Variants in TMEM135 observed in about 807,000 individuals in gnomAD.
The protein encoded by TMEM135 is peroxisomal membrane protein 52.
Under a neutral mutation model 60.3 loss-of-function variants are expected in TMEM135, and 30 were observed. The ratio of observed to expected loss-of-function variants is 0.50; its 90% CI spans 0.37 to 0.68. The LOEUF (loss-of-function observed/expected upper bound fraction) is 0.68, where lower values mean the gene tolerates loss of function less well. Ranked by LOEUF, TMEM135 falls within the 30% of genes least tolerant of loss-of-function variation. TMEM135 has a pLI of 0.00. For missense variants in TMEM135, 468 were observed against 548.8 expected, an observed-to-expected ratio of 0.85 and a Z score of 1.47; for synonymous variants, 190 against 186.7, an observed-to-expected ratio of 1.02 and a Z score of -0.14.
At chr11:87,108,377 AG>A (rs1210392207) in intron 4 of TMEM135, among the ~76,000 whole-genome samples, 1 of 152,090 alleles carries the variant, frequency 6.6e-6, no homozygotes, top group Non-Finnish European at 1.5e-5. Flanking sequence ...GTTTTCTTCT[AG>A]GGTTTTTATA....
intron 4 of TMEM135, among the ~76,000 whole-genome samples, chr11:87,115,100 C>T (rs765362670): frequency 4.6e-5 from 7 of 152,104 alleles, no homozygotes; most frequent in Non-Finnish European, 8.8e-5. Context: ...GCTGATTAAG[C>T]ATTTAATAGT....
At chr11:87,059,307 C>CTT (rs774797136) in intron 1 of TMEM135, among the ~76,000 whole-genome samples, 6,828 of 134,600 alleles carry the variant, frequency 0.051, 245 homozygotes, top group South Asian at 0.096. Context: ...GTTTGAAGTT[C>CTT]TTTTTTTTTT....
In TMEM135 at chr11:87,323,980, T is replaced by C. The variant is rs374254506; in HGVS notation, c.*2647T>C. The C allele has an allele frequency of 1.3e-3, 606 of 453,888 alleles. 3 individuals carry two copies. Among genetic ancestry groups the C allele is most frequent in the African/African-American group, 0.011 (535 of 50,092 alleles). 28.1% of individuals were successfully genotyped at this position (453,888 alleles called of 1,614,324 possible). On this transcript the variant is annotated 3_prime_UTR_variant, in exon 15 of 15. Coordinates refer to ENST00000305494, the MANE Select transcript of TMEM135 (RefSeq NM_022918.4). ...TCATTCGTTGTTTAGTCAGTTGTTA[T>C]TTAATTTAGAATTTTATATTTTTTT...
intron 8 of TMEM135, 31 bp downstream of exon 8, chr11:87,302,473 C>G (rs1397670112): frequency 1.2e-6 from 2 of 1,613,012 alleles, no homozygotes; most frequent in Non-Finnish European, 1.7e-6. Context: ...TTTTAACCTG[C>G]TTTGTCACTG....
intron 4 of TMEM135, among the ~76,000 whole-genome samples, chr11:87,137,085 G>T (rs1220737055): frequency 6.6e-6 from 1 of 152,018 alleles, no homozygotes; most frequent in Non-Finnish European, 1.5e-5. Flanking sequence ...GTGGAAATCT[G>T]TGACTATAGT....
intron 1 of TMEM135, among the ~76,000 whole-genome samples, chr11:87,047,462 C>G (rs566148612): frequency 6.6e-6 from 1 of 151,230 alleles, no homozygotes; most frequent in Admixed American, 6.6e-5. Context: ...TGTGCGCGCA[C>G]CGTGCGCGAG....
At chr11:87,178,943 G>A (rs55731905) in intron 5 of TMEM135, among the ~76,000 whole-genome samples, 25,275 of 151,830 alleles carry the variant, frequency 0.17, 2,480 homozygotes, top group African/African-American at 0.27. Context: ...GAATTGTTAG[G>A]TCATAAGAAT....
intron 6 of TMEM135, chr11:87,277,284 A>G (rs1485756627): frequency 5.2e-6 from 2 of 387,270 alleles, no homozygotes; most frequent in East Asian, 2.0e-4. Context: ...GATTTGTGCC[A>G]CCATGCCTGG....
Position 87,204,705 on chromosome 11 carries a change from A to G in TMEM135, c.463-31933A>G, listed in dbSNP as rs1178476911. ...GGATCATCATAAGTGGAAGTGGATCATCATAAAGATCTTTTTTCTCATCAT... is the reference window on the plus strand; with the variant it reads ...GGATCATCATAAGTGGAAGTGGATCGTCATAAAGATCTTTTTTCTCATCAT... On this transcript the variant is annotated intron_variant, in intron 5 of 14. Transcript: ENST00000305494. 2.6e-5 allele frequency among the ~76,000 whole-genome samples: 4 copies of G among 152,196 alleles called. No homozygotes were observed. In the East Asian group the frequency reaches 7.7e-4, roughly 29 times the overall value.
rs186903472 is a variant in TMEM135 at position 87,255,520 on chromosome 11, C to T, written c.509+18836C>T. On this transcript the variant is annotated intron_variant, in intron 6 of 14. Coordinates refer to ENST00000305494, the MANE Select transcript of TMEM135 (RefSeq NM_022918.4). ...GGGCATGGTGGCACATGCCTACAGT[C>T]CCAGTTACACAGGAGGCTGAGAAAG... 2.0e-4 allele frequency among the ~76,000 whole-genome samples: 31 copies of T among 152,218 alleles called. No homozygotes were observed. The East Asian group carries it at 5.6e-3, about 28-fold the overall frequency.
At chr11:87,246,840 C>T (rs1941287611) in intron 6 of TMEM135, among the ~76,000 whole-genome samples, 1 of 115,470 alleles carries the variant, frequency 8.7e-6, no homozygotes, top group African/African-American at 3.3e-5. Flanking sequence ...CTGAAGGCTT[C>T]TTCTCTCAAC....
At chr11:87,273,268 T>C (rs778246133) in intron 6 of TMEM135, among the ~76,000 whole-genome samples, 9 of 152,176 alleles carry the variant, frequency 5.9e-5, no homozygotes, top group Non-Finnish European at 1.2e-4. Context: ...GTAAATCTGA[T>C]GTTGTGAGGA....
intron 3 of TMEM135, among the ~76,000 whole-genome samples, chr11:87,073,757 T>G (rs773860674): frequency 3.3e-5 from 5 of 152,032 alleles, no homozygotes. Flanking sequence ...AACTTCTGCC[T>G]CCCAGGTTCA....
chr11:87,301,640 T>C (rs1942451636), intron 7 of TMEM135, among the ~76,000 whole-genome samples: 1 of 152,162 alleles, frequency 6.6e-6, no homozygotes, highest in Non-Finnish European at 1.5e-5. Flanking sequence ...TAGTATTGCC[T>C]TGGGAAAGCT....
intron 1 of TMEM135, among the ~76,000 whole-genome samples, chr11:87,056,299 C>T (rs897798610): frequency 1.3e-5 from 2 of 152,148 alleles, no homozygotes; most frequent in Non-Finnish European, 2.9e-5. Context: ...AGGTCTCAGC[C>T]TCATTTTCCT....
intron 5 of TMEM135, among the ~76,000 whole-genome samples, chr11:87,194,067 A>C (rs1939877770): frequency 1.3e-5 from 2 of 152,124 alleles, no homozygotes; most frequent in Non-Finnish European, 2.9e-5. Flanking sequence ...GAATCAGTTA[A>C]ACACATTTAA....
intron 1 of TMEM135, among the ~76,000 whole-genome samples, chr11:87,044,389 C>A (rs767856927): frequency 4.9e-4 from 74 of 152,094 alleles, no homozygotes; most frequent in Non-Finnish European, 8.4e-4. Context: ...TGGTAATAGG[C>A]ATTTGTTTTT....
At chr11:87,171,707 G>A (rs967256822) in intron 5 of TMEM135, among the ~76,000 whole-genome samples, 9 of 152,114 alleles carry the variant, frequency 5.9e-5, no homozygotes, top group Non-Finnish European at 1.3e-4. Flanking sequence ...AGGCAGCTTT[G>A]TATACCCTTT....
At chr11:87,075,074 G>A (rs1401196651) in intron 3 of TMEM135, among the ~76,000 whole-genome samples, 1 of 151,798 alleles carries the variant, frequency 6.6e-6, no homozygotes, top group East Asian at 1.9e-4. Flanking sequence ...CCCTCCCACC[G>A]CCTCCCCAAC....
Sources: allele counts gnomAD v4.1 joint callset (sites outside exome capture counted in the v4.1 genomes callset), GRCh38; gene constraint gnomAD v4.1.1; transcripts MANE v1.5; gene names NCBI Gene and HGNC (gene_info 2026-07-23, HGNC 2026-07-21).